Variants in VWA3B observed in about 807,000 individuals in gnomAD.
VWA3B encodes the protein von Willebrand factor A domain-containing protein 3B.
A neutral mutation model predicts 158.3 loss-of-function variants in VWA3B; 138 were observed. The observed-to-expected ratio is 0.87, with a 90% CI of 0.76 to 1.00. The LOEUF is 1.00. Ranked by LOEUF, VWA3B falls within the 50% of genes least tolerant of loss-of-function variation. VWA3B has a pLI of 0.00. For synonymous variants in VWA3B, 596 were observed against 587.3 expected (o/e 1.01, Z -0.21); for missense variants, 1,555 against 1,565.1 (o/e 0.99, Z 0.11).
intron 8 of VWA3B, among the ~76,000 whole-genome samples, chr2:98,179,564 G>A (rs919705748): frequency 2.6e-5 from 4 of 152,238 alleles, no homozygotes; most frequent in Admixed American, 2.0e-4. Context: ...TAGCCTTCGC[G>A]TGTTGATCGC....
chr2:98,322,897 G>A, the VWA3B span, among the ~76,000 whole-genome samples: 2 of 152,086 alleles, frequency 1.3e-5, no homozygotes, highest in Non-Finnish European at 2.9e-5. Flanking sequence ...CATATTACAA[G>A]AGAAAAAAGT....
intron 23 of VWA3B, among the ~76,000 whole-genome samples, chr2:98,293,843 T>C (rs987019439): frequency 6.6e-6 from 1 of 152,150 alleles, no homozygotes; most frequent in Non-Finnish European, 1.5e-5. Flanking sequence ...GTCCCAATAA[T>C]GGCCTTTATC....
chr2:98,179,372 T>G (rs1680279468), intron 8 of VWA3B: 1 of 469,480 alleles, frequency 2.1e-6, no homozygotes, highest in Non-Finnish European at 4.4e-6. Flanking sequence ...ACCACGAGAA[T>G]GTGCCTGAGG....
rs62155298 is a variant in VWA3B, at chr2:98,298,446, G to A, written c.3282+415G>A. Among the ~76,000 whole-genome samples the A allele has an allele frequency of 4.8e-5, 4 of 84,202 alleles. No individual in the cohort carries two copies. The South Asian group carries it at 1.6e-3, about 34-fold the overall frequency. 55.2% of individuals were successfully genotyped at this position (84,202 alleles called of 152,430 possible). A position where few individuals can be genotyped will look rare whatever the true frequency, so the allele number is the denominator to read the frequency against. On this transcript the variant is annotated intron_variant, in intron 24 of 27. Transcript: ENST00000477737. ...TCTATTCTATTCTATTCTATTCTAT[G>A]CCATGCCATGCCATGCCATGCCATC...
At chr2:98,297,033 A>G (rs539029918) in intron 23 of VWA3B, among the ~76,000 whole-genome samples, 2 of 151,578 alleles carry the variant, frequency 1.3e-5, no homozygotes, top group African/African-American at 4.8e-5. Flanking sequence ...TATGTTATCT[A>G]TCATGCACTC....
intron 26 of VWA3B, among the ~76,000 whole-genome samples, chr2:98,305,186 T>C (rs919477796): frequency 2.2e-4 from 34 of 152,196 alleles, no homozygotes; most frequent in South Asian, 2.1e-4. Context: ...CTGACTTCAC[T>C]GCCTCTCACT....
intron 3 of VWA3B, 78 bp downstream of exon 3, chr2:98,115,824 A>G (rs1674491400): frequency 8.1e-7 from 1 of 1,229,158 alleles, no homozygotes; most frequent in Non-Finnish European, 1.2e-6. Flanking sequence ...GTGGGGAGAG[A>G]CTTGTGCTGC....
intron 12 of VWA3B, among the ~76,000 whole-genome samples, chr2:98,205,218 A>G (rs1682915527): frequency 6.6e-6 from 1 of 152,192 alleles, no homozygotes; most frequent in African/African-American, 2.4e-5. Context: ...ATAACCATAG[A>G]ACTATTCAGG....
chr2:98,163,266 G>A (rs377024290), intron 8 of VWA3B, among the ~76,000 whole-genome samples: 2 of 152,140 alleles, frequency 1.3e-5, no homozygotes, highest in South Asian at 2.1e-4. Context: ...TGGGCCGGGC[G>A]CGGTGGCTCA....
At chr2:98,314,720 C>A (rs1691051648), downstream of VWA3B, among the ~76,000 whole-genome samples, 1 of 152,102 alleles carries the variant, frequency 6.6e-6, no homozygotes, top group Non-Finnish European at 1.5e-5. Context: ...AAGAAAATAA[C>A]CCATAATAAA....
chr2:98,218,027 A>T lies in VWA3B; in HGVS notation c.2018A>T (p.Gln673Leu), dbSNP rs776249428. The change falls in exon 14 of 28, where the codon CAG becomes CTG. Residue 673 changes from glutamine to leucine, a missense_variant and splice_region_variant. Coordinates refer to ENST00000477737, the MANE Select transcript of VWA3B (RefSeq NM_144992.5). ...CKDPTPPEAVQNEDLTLLVKE... is the reference protein window; with the variant it reads ...CKDPTPPEAVLNEDLTLLVKE... ...GATCCCACTCCCCCAGAGGCTGTTC[A>T]GGTAAGAGCTTGGTGGGCTAAGAAG... 1 of 1,603,456 alleles carries T rather than the reference A, an allele frequency of 6.2e-7. No individual in the cohort carries two copies. The highest frequency in any genetic ancestry group is 8.5e-7 in the Non-Finnish European group (1 of 1,175,996).
chr2:98,194,606 G>A, intron 12 of VWA3B, 114 bp downstream of exon 12: 1 of 1,327,558 alleles, frequency 7.5e-7, no homozygotes, highest in Non-Finnish European at 1.0e-6. Flanking sequence ...GGATGGAAGT[G>A]GCTTAACATG....
In VWA3B at chr2:98,188,149, A is replaced by C; in HGVS notation, c.1466+20A>C. ...AAGGAGGTTGGTGTTATTTGCAGGA[A>C]GTTACAAGTGGTCTCCTCGCTCTGG... On this transcript the variant is annotated intron_variant, in intron 10 of 27. Transcript: ENST00000477737. The C allele has an allele frequency of 6.2e-7, 1 of 1,603,158 alleles. No individual in the cohort carries two copies. Among genetic ancestry groups the C allele is most frequent in the Non-Finnish European group, 8.5e-7 (1 of 1,174,106 alleles).
intron 10 of VWA3B, 122 bp downstream of exon 10, chr2:98,188,251 T>C: frequency 7.8e-7 from 1 of 1,278,710 alleles, no homozygotes; most frequent in Admixed American, 2.4e-5. Flanking sequence ...ATTTATGTGA[T>C]ACAGAGTGAT....
intron 19 of VWA3B, among the ~76,000 whole-genome samples, chr2:98,243,132 T>C (rs1289130810): frequency 6.6e-6 from 1 of 152,108 alleles, no homozygotes; most frequent in Non-Finnish European, 1.5e-5. Flanking sequence ...TTTTTGTTTT[T>C]ATCATAATTA....
chr2:98,231,478 A>C (rs1685330641), intron 16 of VWA3B, among the ~76,000 whole-genome samples: 1 of 152,218 alleles, frequency 6.6e-6, no homozygotes, highest in Non-Finnish European at 1.5e-5. Flanking sequence ...ATGATTTGAC[A>C]AAGGTGCAAA....
chr2:98,150,581 C>T (rs766235932), intron 7 of VWA3B, among the ~76,000 whole-genome samples: 2 of 152,170 alleles, frequency 1.3e-5, no homozygotes, highest in Non-Finnish European at 2.9e-5. Flanking sequence ...GAAATTGCCT[C>T]GAACCTTGAT....
At chr2:98,229,584 G>C (rs1384710183) in intron 15 of VWA3B, among the ~76,000 whole-genome samples, 10 of 152,190 alleles carry the variant, frequency 6.6e-5, no homozygotes, top group Admixed American at 1.3e-4. Flanking sequence ...GTCCAAGGCA[G>C]GAGTTCCTTT....
At chr2:98,108,281 G>A (rs533260749) in intron 2 of VWA3B, among the ~76,000 whole-genome samples, 29 of 152,224 alleles carry the variant, frequency 1.9e-4, no homozygotes, top group African/African-American at 6.7e-4. Flanking sequence ...AACCAAATAT[G>A]TGCTTTGTTT....
Sources: gnomAD v4.1 joint callset for allele counts (sites outside exome capture counted in the v4.1 genomes callset) on GRCh38, gnomAD v4.1.1 for gene constraint, MANE v1.5 for transcripts, NCBI Gene and HGNC (gene_info 2026-07-23, HGNC 2026-07-21) for gene names.